Variants in ANK3 observed in about 807,000 individuals in gnomAD.
ANK3 encodes ankyrin-3.
In ANK3, 57 loss-of-function variants were observed where a neutral mutation model predicts 370.9. That is an observed-to-expected ratio of 0.15 (90% confidence interval 0.12 to 0.19). The LOEUF is 0.19. Ranked by LOEUF, ANK3 falls within the 10% of genes least tolerant of loss-of-function variation. The probability of loss-of-function intolerance (pLI) is 1.00; values close to 1 mark genes in which losing one functional copy is unlikely to be tolerated. For missense variants in ANK3, 4,439 were observed against 5,302.1 expected (o/e 0.84, Z 5.06); for synonymous variants, 1,929 against 1,946.3 (o/e 0.99, Z 0.23).
intron 32 of ANK3, 31 bp downstream of exon 32, chr10:60,084,571 T>G (rs2065158396): frequency 6.4e-7 from 1 of 1,570,220 alleles, no homozygotes; most frequent in Non-Finnish European, 8.8e-7. Context: ...GAGTACGTAA[T>G]GAAATGAACT....
At chr10:60,253,659 A>C (rs2097697949) in intron 7 of ANK3, among the ~76,000 whole-genome samples, 2 of 152,186 alleles carry the variant, frequency 1.3e-5, no homozygotes, top group Non-Finnish European at 1.5e-5. Context: ...TCACCATGGC[A>C]ACAAGAATAT....
chr10:60,616,349 A>C (rs1382294497), intron 1 of ANK3, among the ~76,000 whole-genome samples: 1 of 152,192 alleles, frequency 6.6e-6, no homozygotes, highest in Non-Finnish European at 1.5e-5. Flanking sequence ...TGCCAAGCAC[A>C]AAAAATGAAA....
chr10:60,688,219 G>T (rs982789579), intron 1 of ANK3, among the ~76,000 whole-genome samples: 2 of 152,010 alleles, frequency 1.3e-5, no homozygotes, highest in Non-Finnish European at 2.9e-5. Flanking sequence ...ACAGGCACAT[G>T]CACACCTAGC....
intron 1 of ANK3, among the ~76,000 whole-genome samples, chr10:60,627,357 A>T (rs990139117): frequency 6.6e-6 from 1 of 152,026 alleles, no homozygotes; most frequent in African/African-American, 2.4e-5. Context: ...AGGGGGCTAT[A>T]TACCATAACA....
At chr10:60,470,415 T>C (rs1457192519) in intron 2 of ANK3, among the ~76,000 whole-genome samples, 1 of 152,138 alleles carries the variant, frequency 6.6e-6, no homozygotes, top group African/African-American at 2.4e-5. Context: ...TGCAGTACTT[T>C]GCATTTTCCA....
intron 2 of ANK3, among the ~76,000 whole-genome samples, chr10:60,535,653 C>T (rs140919602): frequency 6.6e-6 from 1 of 152,178 alleles, no homozygotes; most frequent in East Asian, 1.9e-4. Flanking sequence ...CCACATCATG[C>T]ATTCTTGGTG....
Position 60,073,321 on chromosome 10 carries a change from T to C in ANK3, c.7560A>G (p.Lys2520=). The change falls in exon 37 of 44, where the codon AAA becomes AAG. Residue 2520 remains lysine, a synonymous_variant. Transcript: ENST00000280772. ...TACCTACACCATTTTCAGAAACATC[T>C]TTATAGATTTTGGAGAGAATTTCTT... The part of the protein sequence containing the change: ...PKKEILSKIY[K]DVSENGVGKV... 1 of 1,614,068 alleles carries C rather than the reference T, an allele frequency of 6.2e-7. No individual in the cohort carries two copies. The highest frequency in any genetic ancestry group is 8.5e-7 in the Non-Finnish European group (1 of 1,180,028).
chr10:60,481,668 TG>T (rs2075220485), intron 2 of ANK3, among the ~76,000 whole-genome samples: 1 of 152,136 alleles, frequency 6.6e-6, no homozygotes, highest in Non-Finnish European at 1.5e-5. Flanking sequence ...TTCACCATGT[TG>T]GCCAGGCTGG....
chr10:60,048,793 G>A (rs1468522119), intron 42 of ANK3, among the ~76,000 whole-genome samples: 3 of 152,312 alleles, frequency 2.0e-5, no homozygotes, highest in South Asian at 2.1e-4. Context: ...TAGGGATTAG[G>A]TTCTAGTCCC....
intron 12 of ANK3, among the ~76,000 whole-genome samples, chr10:60,201,794 C>T (rs554424612): frequency 6.6e-6 from 1 of 151,636 alleles, no homozygotes; most frequent in African/African-American, 2.4e-5. Flanking sequence ...TTACTGCAAC[C>T]TCTGCCTCCC....
At chr10:60,087,705 G>T (rs748166075) in intron 29 of ANK3, among the ~76,000 whole-genome samples, 1 of 152,160 alleles carries the variant, frequency 6.6e-6, no homozygotes, top group Non-Finnish European at 1.5e-5. Flanking sequence ...TTTGATCCAA[G>T]ATTTCCAGCC....
chr10:60,502,630 T>C (rs560102774), intron 2 of ANK3, among the ~76,000 whole-genome samples: 1 of 151,412 alleles, frequency 6.6e-6, no homozygotes, highest in Admixed American at 6.6e-5. Flanking sequence ...CAGTGCGTGA[T>C]GATTGTGCCT....
At chr10:60,609,841 C>T (rs1414984745) in intron 2 of ANK3, among the ~76,000 whole-genome samples, 2 of 152,088 alleles carry the variant, frequency 1.3e-5, no homozygotes, top group African/African-American at 4.8e-5. Context: ...ATTTACCCCC[C>T]TAACAAAAAT....
intron 23 of ANK3, 161 bp from the exon 24 acceptor site, chr10:60,139,248 G>T (rs1309724825): frequency 6.2e-6 from 5 of 801,914 alleles, no homozygotes; most frequent in Non-Finnish European, 9.8e-6. Context: ...AGAAGGAAAA[G>T]GTATAGGTAA....
At chr10:60,253,999 C>T (rs2097702308) in intron 7 of ANK3, among the ~76,000 whole-genome samples, 1 of 152,068 alleles carries the variant, frequency 6.6e-6, no homozygotes, top group Non-Finnish European at 1.5e-5. Flanking sequence ...AATATACAGT[C>T]ATCCTATGGT....
At chr10:60,145,317 G>T (rs1032221432) in intron 23 of ANK3, among the ~76,000 whole-genome samples, 3 of 152,154 alleles carry the variant, frequency 2.0e-5, no homozygotes, top group Non-Finnish European at 4.4e-5. Context: ...TTTCTTAATA[G>T]AACTCAGCAA....
At chr10:60,314,926 A>G (rs1282202297) in intron 1 of ANK3, among the ~76,000 whole-genome samples, 1 of 152,250 alleles carries the variant, frequency 6.6e-6, no homozygotes, top group African/African-American at 2.4e-5. Context: ...TTAAGTTAAA[A>G]TTCACATGAT....
intron 1 of ANK3, among the ~76,000 whole-genome samples, chr10:60,315,862 C>T (rs1308937151): frequency 6.6e-6 from 1 of 152,104 alleles, no homozygotes; most frequent in Non-Finnish European, 1.5e-5. Context: ...AGTGTTCCAG[C>T]AAGATTCTGC....
chr10:60,700,932 T>C (rs562353887), intron 1 of ANK3, among the ~76,000 whole-genome samples: 1 of 151,990 alleles, frequency 6.6e-6, no homozygotes, highest in South Asian at 2.1e-4. Context: ...TAAAGATAAA[T>C]TTTAATAGTA....
Sources: allele counts gnomAD v4.1 joint callset (sites outside exome capture counted in the v4.1 genomes callset), GRCh38; gene constraint gnomAD v4.1.1; transcripts MANE v1.5; gene names NCBI Gene and HGNC (gene_info 2026-07-23, HGNC 2026-07-21).